The following SLC6A5 variants were observed in gnomAD, a reference collection of about 807,000 sequenced individuals.
SLC6A5 encodes solute carrier family 6 member 5.
SLC6A5 carries 58 observed loss-of-function variants against 90.5 expected under a neutral mutation model. That is an observed-to-expected ratio of 0.64 (90% CI 0.52 to 0.80). The LOEUF is 0.80. Among genes scored for constraint, SLC6A5 ranks in the 30% least tolerant of loss-of-function variants. The pLI, the probability that SLC6A5 is intolerant of heterozygous loss-of-function variation, is 0.00. For missense variants in SLC6A5, 1,015 were observed against 1,017.6 expected, an observed-to-expected ratio of 1.00 and a Z score of 0.03; for synonymous variants, 427 against 401.4, an observed-to-expected ratio of 1.06 and a Z score of -0.76.
At chr11:20,600,363 GAAGAAGAA>G (rs1852439865) in intron 1 of SLC6A5, among the ~76,000 whole-genome samples, 5 of 146,886 alleles carry the variant, frequency 3.4e-5, no homozygotes, top group Admixed American at 6.7e-5. Flanking sequence ...AGAAGAAGAA[GAAGAAGAA>G]GAAGAAGAAG....
chr11:20,627,975 C>A lies in SLC6A5; in HGVS notation c.1396-5C>A. On this transcript the variant is annotated splice_region_variant and splice_polypyrimidine_tract_variant and intron_variant, in intron 8 of 15. Coordinates refer to ENST00000525748, the MANE Select transcript of SLC6A5 (RefSeq NM_004211.5). ...TCTTGAATCTCTTTCCCTTTTGCCT[C>A]TCAGGTGTGGAAAGATGCTGCCACT... The A allele has an allele frequency of 1.2e-6, 2 of 1,612,276 alleles. No individual in the cohort carries two copies. Among genetic ancestry groups the A allele is most frequent in the Non-Finnish European group, 1.7e-6 (2 of 1,178,380 alleles).
intron 15 of SLC6A5, 102 bp downstream of exon 15, chr11:20,652,558 G>A: frequency 2.5e-6 from 3 of 1,182,876 alleles, no homozygotes; most frequent in Non-Finnish European, 3.8e-6. Context: ...TATTCAAGAG[G>A]GAGACTTGGT....
intron 13 of SLC6A5, among the ~76,000 whole-genome samples, chr11:20,643,819 C>T (rs79145877): frequency 5.9e-5 from 9 of 152,242 alleles, no homozygotes; most frequent in East Asian, 1.9e-4. Context: ...CGAGGCTTGG[C>T]GGCCCTCCAT....
intron 5 of SLC6A5, among the ~76,000 whole-genome samples, chr11:20,608,378 G>A (rs953590310): frequency 2.0e-5 from 3 of 152,160 alleles, no homozygotes; most frequent in Non-Finnish European, 4.4e-5. Context: ...AGGAGAAGTA[G>A]GGCAGCTATG....
intron 5 of SLC6A5, among the ~76,000 whole-genome samples, chr11:20,614,328 G>C (rs751513021): frequency 2.6e-5 from 4 of 152,204 alleles, no homozygotes; most frequent in East Asian, 3.9e-4. Context: ...CTTTAAGCCT[G>C]CTTCCTTATT....
chr11:20,625,103 G>C (rs1852967301), intron 7 of SLC6A5, among the ~76,000 whole-genome samples: 1 of 152,120 alleles, frequency 6.6e-6, no homozygotes, highest in African/African-American at 2.4e-5. Context: ...GGACTGCAGA[G>C]CCTGAGCTCT....
rs1203083159 is a variant in SLC6A5, at chr11:20,600,324, AAAGAAGAAGAGG to A, written c.3+660_3+671del. Reference sequence around the variant, plus strand: ...AGACTCCTGTGAATAGTTACGCAAAAAAGAAGAAGAGGAAGAAGAAGAAGAAGAAGAAGAAGA... The same window carrying A: ...AGACTCCTGTGAATAGTTACGCAAAAAAGAAGAAGAAGAAGAAGAAGAAGA... On this transcript the variant is annotated intron_variant, in intron 1 of 15. Transcript: ENST00000525748. 7.1e-3 allele frequency among the ~76,000 whole-genome samples: 881 copies of A among 124,738 alleles called. 18 individuals are homozygous for A. The highest frequency in any genetic ancestry group is 0.028 in the East Asian group (114 of 4,018). 81.8% of individuals were successfully genotyped at this position (124,738 alleles called of 152,430 possible).
rs1279219950 is a variant in SLC6A5, at chr11:20,636,408, C to T, written c.1726C>T (p.Leu576Phe). ...TTTCCTGATGCTCCTCACTCTTGGA[C>T]TTGACACTATGGTGAGCCCCTTTTC... ...IFFLMLLTLG[L>F]DTMFATIETI... The change falls in exon 11 of 16, where the codon CTT (leucine) becomes TTT (phenylalanine). Residue 576 changes from leucine (L) to phenylalanine (F), a missense_variant. Leu to Phe is a conservative substitution (Grantham distance 22). Around this residue, in one of 3 missense-constraint regions of SLC6A5, gnomAD observed 442 missense variants for 494.3 expected, o/e 0.89. Transcript: ENST00000525748. 2 of 1,599,784 alleles carry T rather than the reference C, an allele frequency of 1.3e-6. No individual in the cohort carries two copies. The highest frequency in any genetic ancestry group is 2.2e-5 in the South Asian group (2 of 90,810).
At chr11:20,627,918 T>G (rs1853030177) in intron 8 of SLC6A5, 62 bp from the exon 9 acceptor site, 1 of 1,231,962 alleles carries the variant, frequency 8.1e-7, no homozygotes, top group Non-Finnish European at 1.2e-6. Flanking sequence ...GGTGTGTGAC[T>G]CCTCTCCCCT....
chr11:20,617,977 G>T lies in SLC6A5; in HGVS notation c.1260+93G>T, dbSNP rs984698774. On this transcript the variant is annotated intron_variant, in intron 7 of 15. Transcript: ENST00000525748. ...CAGAGCACTGGAAAGAGAGTCAGGA[G>T]CTGTGGATGCTAATTCTGACTCTGC... 12 of 1,274,192 alleles carry T rather than the reference G, an allele frequency of 9.4e-6. No individual in the cohort carries two copies. The African/African-American group carries it at 1.8e-4, about 19-fold the overall frequency. 78.9% of individuals were successfully genotyped at this position (1,274,192 alleles called of 1,614,324 possible).
intron 13 of SLC6A5, among the ~76,000 whole-genome samples, chr11:20,642,695 G>A (rs1853336789): frequency 6.6e-6 from 1 of 152,182 alleles, no homozygotes; most frequent in Admixed American, 6.5e-5. Flanking sequence ...GCAGGCAGAG[G>A]AAACCATATA....
chr11:20,601,918 A>C (rs1461704709), intron 2 of SLC6A5, among the ~76,000 whole-genome samples: 1 of 152,226 alleles, frequency 6.6e-6, no homozygotes, highest in Non-Finnish European at 1.5e-5. Flanking sequence ...CGGTAGCGGG[A>C]ATACAGGTCC....
At chr11:20,625,854 G>A (rs1012577179) in intron 7 of SLC6A5, among the ~76,000 whole-genome samples, 2 of 152,174 alleles carry the variant, frequency 1.3e-5, no homozygotes. Context: ...CGCCCAGGTT[G>A]GGCACAATGC....
intron 13 of SLC6A5, among the ~76,000 whole-genome samples, chr11:20,642,474 C>T (rs963160157): frequency 7.2e-5 from 11 of 152,136 alleles, no homozygotes; most frequent in Admixed American, 5.9e-4. Flanking sequence ...TCTTTCCCCC[C>T]TGCTGTTTTT....
At chr11:20,648,285 CTTTCT>C (rs1853460384) in intron 14 of SLC6A5, among the ~76,000 whole-genome samples, 1 of 152,086 alleles carries the variant, frequency 6.6e-6, no homozygotes, top group African/African-American at 2.4e-5. Flanking sequence ...ACATTTTTTT[CTTTCT>C]TTCTTCTTTC....
chr11:20,634,256 C>A (rs967462223), intron 10 of SLC6A5, among the ~76,000 whole-genome samples: 3 of 152,204 alleles, frequency 2.0e-5, no homozygotes, highest in African/African-American at 7.2e-5. Flanking sequence ...AGAGGCAGAA[C>A]TTGGCCTTCA....
Position 20,601,552 on chromosome 11 carries a change from C to A in SLC6A5, c.427C>A (p.Arg143=), listed in dbSNP as rs1460494669. 2.5e-6 allele frequency: 4 copies of A among 1,614,038 alleles called. No homozygotes were observed. The African/African-American group carries it at 4.0e-5, about 16-fold the overall frequency. ...GAGTGTGGGCAAGGGCACCCTGGAG[C>A]GGAACAATACCCCTGTTGTGGGCTG... ...NVSVGKGTLE[R]NNTPVVGWVN... is the part of the protein sequence containing the mutation. The change falls in exon 2 of 16, where the codon CGG becomes AGG. Residue 143 remains arginine (R), a synonymous_variant. Coordinates refer to ENST00000525748, the MANE Select transcript of SLC6A5 (RefSeq NM_004211.5).
Position 20,608,898 on chromosome 11 carries a change from GTCTC to G in SLC6A5, c.985+1254_985+1257del, listed in dbSNP as rs200136921. ...TTTCTGCCATGAACATGTGTTTATAGTCTCTCTCTCTGTCTGTCTGTCTGTCTCT... is the reference window on the plus strand; with the variant it reads ...TTTCTGCCATGAACATGTGTTTATAGTCTCTCTGTCTGTCTGTCTGTCTCT... On this transcript the variant is annotated intron_variant, in intron 5 of 15. Coordinates refer to ENST00000525748, the MANE Select transcript of SLC6A5 (RefSeq NM_004211.5). Among the ~76,000 whole-genome samples, 36 of 134,912 alleles carry G rather than the reference GTCTC, an allele frequency of 2.7e-4. No individual in the cohort carries two copies. In the Middle Eastern group the frequency reaches 0.011, roughly 42 times the overall value. The allele number at this position is 134,912 out of a possible 152,430, so 88.5% of individuals were successfully genotyped here. A position where few individuals can be genotyped will look rare whatever the true frequency, so the allele number is the denominator to read the frequency against.
rs763170495 is a variant in SLC6A5 at position 20,626,775 on chromosome 11, T to G, written c.1328T>G (p.Leu443Arg). ...ATCCTCCTCATCCGAGGAGTCACCCTGCCTGGAGCTGGAGCTGGGATCTGG... is the reference window on the plus strand; with the variant it reads ...ATCCTCCTCATCCGAGGAGTCACCCGGCCTGGAGCTGGAGCTGGGATCTGG... ...LVILLIRGVTLPGAGAGIWYF... is the reference protein window; with the variant it reads ...LVILLIRGVTRPGAGAGIWYF... Residue 443 changes from leucine (L) to arginine (R), a missense_variant, in exon 8 of 16, where the codon CTG (leucine) becomes CGG (arginine). Transcript: ENST00000525748. 1 of 1,614,078 alleles carries G rather than the reference T, an allele frequency of 6.2e-7. No homozygotes were observed. The highest frequency in any genetic ancestry group is 8.5e-7 in the Non-Finnish European group (1 of 1,179,912).
Sources: gnomAD v4.1 joint callset for allele counts (sites outside exome capture counted in the v4.1 genomes callset) on GRCh38, gnomAD v4.1.1 for gene constraint, gnomAD v4.1.1 regional missense constraint, MANE v1.5 for transcripts, NCBI Gene and HGNC (gene_info 2026-07-23, HGNC 2026-07-21) for gene names.